COL26A1: variants seen among roughly 807,000 people sequenced by gnomAD.
The protein encoded by COL26A1 is collagen alpha-1(XXVI) chain.
A neutral mutation model predicts 59.3 loss-of-function variants in COL26A1; 41 were observed. That is an observed-to-expected ratio of 0.69 (90% confidence interval 0.54 to 0.90). COL26A1 has a LOEUF of 0.90. Among genes scored for constraint, COL26A1 ranks in the 40% least tolerant of loss-of-function variants. The pLI is 0.00. For missense variants in COL26A1, 612 were observed against 602.3 expected, an observed-to-expected ratio of 1.02 and a Z score of -0.17; for synonymous variants, 266 against 256.0, an observed-to-expected ratio of 1.04 and a Z score of -0.37.
intron 2 of COL26A1, among the ~76,000 whole-genome samples, chr7:101,443,182 C>G (rs1168427381): frequency 6.6e-6 from 1 of 152,076 alleles, no homozygotes; most frequent in Non-Finnish European, 1.5e-5. Flanking sequence ...CTTTCCAACC[C>G]CCCATCCTGC....
rs543290564 is a variant in COL26A1 at position 101,440,537 on chromosome 7, G to T, written c.282-7147G>T. ...TGGGCATTCAGGTGAGACTCAGGGGGGCTACCAAGCTGAGTCTTGGCCGGT... is the reference window on the plus strand; with the variant it reads ...TGGGCATTCAGGTGAGACTCAGGGGTGCTACCAAGCTGAGTCTTGGCCGGT... On this transcript the variant is annotated intron_variant, in intron 2 of 12. Coordinates refer to ENST00000313669, the MANE Select transcript of COL26A1 (RefSeq NM_001278563.3). 3.9e-5 allele frequency among the ~76,000 whole-genome samples: 6 copies of T among 152,278 alleles called. No homozygotes were observed. In the East Asian group the frequency reaches 9.7e-4, roughly 25 times the overall value.
At chr7:101,434,758 C>G (rs1430640388) in intron 2 of COL26A1, among the ~76,000 whole-genome samples, 1 of 152,150 alleles carries the variant, frequency 6.6e-6, no homozygotes, top group Non-Finnish European at 1.5e-5. Context: ...GTACTGGGGA[C>G]AGTGACCTTA....
intron 3 of COL26A1, among the ~76,000 whole-genome samples, chr7:101,457,494 T>A (rs2130413068): frequency 6.6e-6 from 1 of 152,100 alleles, no homozygotes; most frequent in East Asian, 1.9e-4. Context: ...AGGGAGAGAG[T>A]GTTATCATCC....
chr7:101,445,526 T>C (rs931391568), intron 2 of COL26A1, among the ~76,000 whole-genome samples: 1 of 146,654 alleles, frequency 6.8e-6, no homozygotes, highest in African/African-American at 2.5e-5. Flanking sequence ...GGTCAGGAGA[T>C]CGAGACCATC....
intron 10 of COL26A1, 101 bp from the exon 11 acceptor site, chr7:101,553,225 C>T: frequency 9.3e-7 from 1 of 1,078,268 alleles, no homozygotes; most frequent in Non-Finnish European, 1.4e-6. Flanking sequence ...CCTGCCTGCC[C>T]AGCCTGCCCC....
intron 1 of COL26A1, among the ~76,000 whole-genome samples, chr7:101,397,531 T>TCC (rs145665554): frequency 8.7e-6 from 1 of 114,894 alleles, no homozygotes; most frequent in Non-Finnish European, 1.8e-5. Context: ...CCTTCTCTCC[T>TCC]CCCCCCCCCT....
intron 2 of COL26A1, among the ~76,000 whole-genome samples, chr7:101,445,731 CAAAAAAAAAAAAAA>C (rs138245779): frequency 2.1e-4 from 8 of 38,446 alleles, no homozygotes; most frequent in African/African-American, 8.8e-4. Context: ...GACTCCGTCT[CAAAAAAAAAAAAAA>C]AAAAAAAAAG....
At chr7:101,406,318 G>C (rs569145230) in intron 1 of COL26A1, among the ~76,000 whole-genome samples, 17 of 152,068 alleles carry the variant, frequency 1.1e-4, no homozygotes, top group African/African-American at 4.1e-4. Flanking sequence ...TTTTGTGCCC[G>C]AAAAACTGAT....
intron 1 of COL26A1, among the ~76,000 whole-genome samples, chr7:101,405,964 C>T (rs574895603): frequency 3.9e-5 from 6 of 152,216 alleles, no homozygotes; most frequent in South Asian, 2.1e-4. Context: ...ATGCAGATAA[C>T]GAGGAGGGAG....
chr7:101,410,163 T>C (rs1240156400), intron 1 of COL26A1, among the ~76,000 whole-genome samples: 3 of 152,068 alleles, frequency 2.0e-5, no homozygotes, highest in Non-Finnish European at 2.9e-5. Context: ...ACTATCTTTG[T>C]GCACCAAGTC....
intron 3 of COL26A1, among the ~76,000 whole-genome samples, chr7:101,507,811 C>T (rs1794843258): frequency 6.6e-6 from 1 of 152,028 alleles, no homozygotes; most frequent in Non-Finnish European, 1.5e-5. Context: ...TCTAAACATT[C>T]CCCTTCCCTG....
intron 10 of COL26A1, among the ~76,000 whole-genome samples, chr7:101,552,822 G>A (rs898107036): frequency 2.0e-5 from 3 of 152,096 alleles, no homozygotes; most frequent in African/African-American, 4.8e-5. Context: ...CAGGAGAATC[G>A]CTTGAACACA....
Position 101,558,249 on chromosome 7 carries a change from A to T in COL26A1, c.*719A>T, listed in dbSNP as rs1008156407. 6.6e-6 allele frequency: 1 copy of T among 152,228 alleles called. No homozygotes were observed. The highest frequency in any genetic ancestry group is 6.5e-5 in the Admixed American group (1 of 15,276). 9.4% of individuals were successfully genotyped at this position (152,228 alleles called of 1,614,324 possible). ...ACTGCAGCTCTCAGAGGCCAGGGAG[A>T]CCCTGAATAAATCACTGCCAGCCAT... On this transcript the variant is annotated 3_prime_UTR_variant, in exon 13 of 13. Transcript: ENST00000313669.
chr7:101,538,340 G>A (rs1003123438), intron 4 of COL26A1, among the ~76,000 whole-genome samples: 1 of 152,240 alleles, frequency 6.6e-6, no homozygotes, highest in Non-Finnish European at 1.5e-5. Context: ...CCTCCACGAA[G>A]CTCAGCCGGG....
At chr7:101,378,789 T>C (rs905564799) in intron 1 of COL26A1, among the ~76,000 whole-genome samples, 5 of 152,108 alleles carry the variant, frequency 3.3e-5, no homozygotes, top group Non-Finnish European at 5.9e-5. Context: ...CTCTGCGGCA[T>C]TTGTCCGAGA....
intron 1 of COL26A1, among the ~76,000 whole-genome samples, chr7:101,369,840 T>G (rs760709379): frequency 2.8e-4 from 42 of 152,000 alleles, no homozygotes; most frequent in Non-Finnish European, 5.1e-4. Flanking sequence ...GGGTACATTT[T>G]GAAGAGTCCA....
At position 101,539,991 on chromosome 7, in the gene COL26A1, C is replaced by T. The variant is rs533426804; in HGVS notation, c.546C>T (p.Pro182=). The change falls in exon 5 of 13, where the codon CCC becomes CCT. Residue 182 remains proline, a synonymous_variant. Transcript: ENST00000313669. The stretch of plus-strand genomic sequence containing the variant: ...CGACCTGGAATGAGGACTTCCTCCC[C>T]GACGCCATCCCTCTTGCTCACCCTG... ...TPPTWNEDFL[P]DAIPLAHPVP... is the part of the protein sequence containing the mutation. The T allele has an allele frequency of 3.1e-5, 50 of 1,613,604 alleles. No individual in the cohort carries two copies. The highest frequency in any genetic ancestry group is 2.7e-4 in the South Asian group (25 of 91,052).
chr7:101,469,120 G>A (rs951605027), intron 3 of COL26A1, among the ~76,000 whole-genome samples: 23 of 152,206 alleles, frequency 1.5e-4, no homozygotes, highest in Admixed American at 1.3e-4. Context: ...GACCTGCCTC[G>A]TGGGGCCCTG....
intron 3 of COL26A1, among the ~76,000 whole-genome samples, chr7:101,493,131 G>C (rs1166623976): frequency 6.6e-6 from 1 of 152,164 alleles, no homozygotes; most frequent in Non-Finnish European, 1.5e-5. Flanking sequence ...ACATTCAGCC[G>C]GGAAATGTCA....
Sources: allele counts gnomAD v4.1 joint callset (sites outside exome capture counted in the v4.1 genomes callset), GRCh38; gene constraint gnomAD v4.1.1; transcripts MANE v1.5; gene names NCBI Gene and HGNC (gene_info 2026-07-23, HGNC 2026-07-21).